Variants in DCDC1 observed in about 807,000 individuals in gnomAD.
DCDC1 encodes doublecortin domain-containing protein 1.
DCDC1 carries 200 observed loss-of-function variants against 178.3 expected under a neutral mutation model. That is an observed-to-expected ratio of 1.12 (90% CI 1.00 to 1.26). The LOEUF is 1.26. DCDC1 is among the 50% of genes most tolerant of loss of function. The pLI is 0.00. For synonymous variants in DCDC1, 690 were observed against 604.8 expected, an observed-to-expected ratio of 1.14 and a Z score of -2.07; for missense variants, 1,983 against 1,749.2, an observed-to-expected ratio of 1.13 and a Z score of -2.38.
Position 30,881,220 on chromosome 11 carries a change from T to C in DCDC1, c.5171A>G (p.Asp1724Gly). 6.2e-7 allele frequency: 1 copy of C among 1,613,542 alleles called. No homozygotes were observed. Reference protein sequence around the residue: ...TPSGEPIQSWDDIERDMVICV... With the variant: ...TPSGEPIQSWGDIERDMVICV... ...GATGACCATATCTCGCTCTATGTCG[T>C]CCCAGGACTGAATTGGCTCTCCACT... Residue 1724 changes from aspartate to glycine, a missense_variant, in exon 37 of 39, where the codon GAC (aspartate) becomes GGC (glycine). Coordinates refer to ENST00000684477, the MANE Select transcript of DCDC1 (RefSeq NM_001387274.1).
At chr11:30,929,448 A>T (rs1344075887) in intron 22 of DCDC1, among the ~76,000 whole-genome samples, 1 of 152,086 alleles carries the variant, frequency 6.6e-6, no homozygotes, top group Non-Finnish European at 1.5e-5. Flanking sequence ...AAGGAAATCT[A>T]AACTCATTCT....
At chr11:31,115,383 C>G (rs1436541988) in intron 11 of DCDC1, among the ~76,000 whole-genome samples, 1 of 152,104 alleles carries the variant, frequency 6.6e-6, no homozygotes, top group Non-Finnish European at 1.5e-5. Flanking sequence ...TCCATAACCA[C>G]TGGGCAGACC....
At chr11:31,059,765 A>G (rs1003132769) in intron 20 of DCDC1, among the ~76,000 whole-genome samples, 2 of 152,126 alleles carry the variant, frequency 1.3e-5, no homozygotes, top group Non-Finnish European at 2.9e-5. Flanking sequence ...GAAAGTTCAA[A>G]GCAAATAAGA....
chr11:31,252,667 GATAA>G (rs1944126409), intron 8 of DCDC1, among the ~76,000 whole-genome samples: 1 of 152,000 alleles, frequency 6.6e-6, no homozygotes, highest in Admixed American at 6.6e-5. Flanking sequence ...TGAGAAGCCA[GATAA>G]ATAGTTGAAG....
chr11:31,162,487 G>T (rs1384173498), intron 9 of DCDC1, among the ~76,000 whole-genome samples: 3 of 152,024 alleles, frequency 2.0e-5, no homozygotes, highest in Non-Finnish European at 2.9e-5. Flanking sequence ...ATTGGGAAAA[G>T]ATTTCACCTA....
chr11:30,981,536 T>C (rs960596102), intron 20 of DCDC1, among the ~76,000 whole-genome samples: 3 of 152,154 alleles, frequency 2.0e-5, no homozygotes, highest in African/African-American at 7.2e-5. Flanking sequence ...TTATATTTAA[T>C]CTCAAAAGCA....
chr11:31,258,310 G>T (rs1049402109), intron 8 of DCDC1, among the ~76,000 whole-genome samples: 6 of 152,146 alleles, frequency 3.9e-5, no homozygotes, highest in African/African-American at 1.4e-4. Context: ...AACAAAGGAT[G>T]CTATTGACAA....
chr11:31,324,947 C>T (rs764888910), intron 3 of DCDC1, among the ~76,000 whole-genome samples: 1 of 152,064 alleles, frequency 6.6e-6, no homozygotes, highest in Non-Finnish European at 1.5e-5. Flanking sequence ...TTTCAGTTCT[C>T]ATTTATTTTA....
chr11:31,049,640 C>T (rs192261264), intron 20 of DCDC1, among the ~76,000 whole-genome samples: 3 of 152,284 alleles, frequency 2.0e-5, no homozygotes, highest in East Asian at 1.9e-4. Context: ...AGGAAGTGGA[C>T]TGCTCCTGCA....
intron 20 of DCDC1, among the ~76,000 whole-genome samples, chr11:30,969,617 TC>T (rs1266118576): frequency 6.6e-6 from 1 of 152,228 alleles, no homozygotes; most frequent in Non-Finnish European, 1.5e-5. Flanking sequence ...AGTTATAAAT[TC>T]CAACAGTAAT....
Position 30,945,697 on chromosome 11 carries a change from A to AATCTATCT in DCDC1, c.2715+6740_2715+6747dup, listed in dbSNP as rs57930562. Among the ~76,000 whole-genome samples, 1,175 of 146,732 alleles carry AATCTATCT rather than the reference A, an allele frequency of 8.0e-3. 6 individuals carry two copies. The highest frequency in any genetic ancestry group is 0.011 in the South Asian group (50 of 4,472). ...AACAAGAGCAAAACTCCATCTCAAA[A>AATCTATCT]ATCTATCTATCTATCTATCTATCTA... On this transcript the variant is annotated intron_variant, in intron 21 of 38. Transcript: ENST00000684477.
chr11:30,968,646 CTG>C (rs1949582119), intron 20 of DCDC1, among the ~76,000 whole-genome samples: 1 of 137,258 alleles, frequency 7.3e-6, no homozygotes, highest in Admixed American at 7.6e-5. Flanking sequence ...TTGATATTAT[CTG>C]TGGTTATATA....
intron 20 of DCDC1, among the ~76,000 whole-genome samples, chr11:31,030,119 A>G (rs937457053): frequency 3.4e-5 from 5 of 148,564 alleles, no homozygotes; most frequent in African/African-American, 1.0e-4. Context: ...ACTTGGACCA[A>G]TAAGTCATGT....
intron 18 of DCDC1, among the ~76,000 whole-genome samples, chr11:31,066,012 AG>A (rs1213738049): frequency 2.6e-5 from 4 of 152,224 alleles, no homozygotes; most frequent in Admixed American, 2.6e-4. Context: ...TGTAGCATAA[AG>A]GGGGGGATAT....
At chr11:30,892,178 G>GA in intron 36 of DCDC1, among the ~76,000 whole-genome samples, 1 of 152,064 alleles carries the variant, frequency 6.6e-6, no homozygotes, top group Non-Finnish European at 1.5e-5. Flanking sequence ...TAAAGATTAA[G>GA]AAAAAATGTC....
At chr11:30,948,822 A>T (rs901836784) in intron 21 of DCDC1, among the ~76,000 whole-genome samples, 3 of 152,152 alleles carry the variant, frequency 2.0e-5, no homozygotes, top group Admixed American at 6.5e-5. Context: ...TTGAAACTGG[A>T]CCCCTTCCTT....
intron 1 of DCDC1, among the ~76,000 whole-genome samples, chr11:31,366,013 A>G (rs74573173): frequency 0.02 from 3,118 of 152,294 alleles, 98 homozygotes; most frequent in African/African-American, 0.07. Flanking sequence ...AATAATAACA[A>G]CAATAGCTAA....
intron 8 of DCDC1, among the ~76,000 whole-genome samples, chr11:31,260,213 A>T (rs1265291564): frequency 2.0e-5 from 3 of 152,214 alleles, no homozygotes; most frequent in Non-Finnish European, 4.4e-5. Flanking sequence ...TAACTTGAAG[A>T]GTTTGAAACT....
intron 8 of DCDC1, among the ~76,000 whole-genome samples, chr11:31,258,952 T>A (rs566431603): frequency 1.3e-5 from 2 of 152,220 alleles, no homozygotes; most frequent in South Asian, 4.2e-4. Context: ...AACATTAAGA[T>A]GTTTGGAATT....
Sources: allele counts gnomAD v4.1 joint callset (sites outside exome capture counted in the v4.1 genomes callset), GRCh38; gene constraint gnomAD v4.1.1; transcripts MANE v1.5; gene names NCBI Gene and HGNC (gene_info 2026-07-23, HGNC 2026-07-21).